Variants in LHFPL3 observed in about 807,000 individuals in gnomAD.
The protein encoded by LHFPL3 is LHFPL tetraspan subfamily member 3, also known as LHFPL tetraspan subfamily member 3 protein.
LHFPL3 carries 5 observed loss-of-function variants against 19.3 expected under a neutral mutation model. The observed-to-expected ratio is 0.26, with a 90% CI of 0.14 to 0.54. The LOEUF (loss-of-function observed/expected upper bound fraction) is 0.54, where lower values mean the gene tolerates loss of function less well. Ranked by LOEUF, LHFPL3 falls within the 20% of genes least tolerant of loss-of-function variation. The pLI, the probability that LHFPL3 is intolerant of heterozygous loss-of-function variation, is 0.94. For synonymous variants in LHFPL3, 133 were observed against 126.2 expected, an observed-to-expected ratio of 1.05 and a Z score of -0.36; for missense variants, 249 against 307.4, an observed-to-expected ratio of 0.81 and a Z score of 1.42.
intron 2 of LHFPL3, among the ~76,000 whole-genome samples, chr7:104,899,822 C>T (rs1792448020): frequency 6.6e-6 from 1 of 152,162 alleles, no homozygotes; most frequent in South Asian, 2.1e-4. Flanking sequence ...ACCTCTGCCT[C>T]CTGGGTTCAA....
At position 104,560,919 on chromosome 7, in the gene LHFPL3, C is replaced by G. The variant is rs541827253; in HGVS notation, c.446-175756C>G. On this transcript the variant is annotated intron_variant, in intron 1 of 2. Coordinates refer to ENST00000424859, the MANE Select transcript of LHFPL3 (RefSeq NM_199000.3). ...TTGGTTTCAAAGAACATCTTTATTT[C>G]TGCCTTCATTTCGTTATGTACCCAG... 1.9e-4 allele frequency among the ~76,000 whole-genome samples: 28 copies of G among 150,002 alleles called. No homozygotes were observed. The East Asian group carries it at 5.4e-3, about 29-fold the overall frequency.
At chr7:104,460,795 G>T (rs1348626595) in intron 1 of LHFPL3, among the ~76,000 whole-genome samples, 1 of 152,046 alleles carries the variant, frequency 6.6e-6, no homozygotes, top group Non-Finnish European at 1.5e-5. Context: ...CTTAGGTTGT[G>T]TGTTTACTCT....
intron 1 of LHFPL3, chr7:104,667,928 C>T (rs1792388458): frequency 1.2e-6 from 2 of 1,613,260 alleles, no homozygotes; most frequent in Non-Finnish European, 1.7e-6. Context: ...GTAACGATGA[C>T]GATGTGTACA....
chr7:104,754,739 G>C (rs944110928), intron 2 of LHFPL3, among the ~76,000 whole-genome samples: 1 of 152,188 alleles, frequency 6.6e-6, no homozygotes, highest in Non-Finnish European at 1.5e-5. Flanking sequence ...ATAAGGGTTG[G>C]GAAAAAGAAA....
chr7:104,842,259 CA>C lies in LHFPL3; in HGVS notation c.683-63927del, dbSNP rs575776066. Among the ~76,000 whole-genome samples the C allele has an allele frequency of 3.0e-3, 433 of 142,712 alleles. 6 individuals are homozygous for C. The highest frequency in any genetic ancestry group is 0.011 in the African/African-American group (424 of 38,158). The allele number at this position is 142,712 out of a possible 152,430, so 93.6% of individuals were successfully genotyped here. On this transcript the variant is annotated intron_variant, in intron 2 of 2. Coordinates refer to ENST00000424859, the MANE Select transcript of LHFPL3 (RefSeq NM_199000.3). Reference sequence around the variant, plus strand: ...AATACTCTCAAAGTTACTCAGGCATCAGCTCCTCCTCTAGCGGTAGAACCTT... The same window carrying C: ...AATACTCTCAAAGTTACTCAGGCATCGCTCCTCCTCTAGCGGTAGAACCTT...
chr7:104,708,012 A>G (rs1041912757), intron 1 of LHFPL3, among the ~76,000 whole-genome samples: 1 of 152,228 alleles, frequency 6.6e-6, no homozygotes, highest in Non-Finnish European at 1.5e-5. Flanking sequence ...AGTCAAGAAC[A>G]GGTGAGGGGA....
At chr7:104,472,794 T>G (rs1245413562) in intron 1 of LHFPL3, among the ~76,000 whole-genome samples, 1 of 152,206 alleles carries the variant, frequency 6.6e-6, no homozygotes, top group African/African-American at 2.4e-5. Flanking sequence ...ATCATTACAT[T>G]TGGTTACTAT....
chr7:104,653,421 A>G (rs1792068248), intron 1 of LHFPL3, among the ~76,000 whole-genome samples: 1 of 152,222 alleles, frequency 6.6e-6, no homozygotes, highest in African/African-American at 2.4e-5. Context: ...CGAGGCAGAG[A>G]GAGGCCCTAA....
chr7:104,437,508 A>G (rs1051145869), intron 1 of LHFPL3, among the ~76,000 whole-genome samples: 3 of 152,164 alleles, frequency 2.0e-5, no homozygotes, highest in African/African-American at 4.8e-5. Flanking sequence ...TTTCCGTCCC[A>G]CAAGACTACC....
chr7:104,404,122 T>C (rs1347777515), intron 1 of LHFPL3, among the ~76,000 whole-genome samples: 1 of 152,166 alleles, frequency 6.6e-6, no homozygotes, highest in Non-Finnish European at 1.5e-5. Context: ...AGAAAAAACT[T>C]GCTAACCCCT....
At chr7:104,494,192 GCAA>G (rs970954302) in intron 1 of LHFPL3, among the ~76,000 whole-genome samples, 13 of 152,194 alleles carry the variant, frequency 8.5e-5, no homozygotes, top group Admixed American at 5.9e-4. Context: ...AACAATAGAA[GCAA>G]CAACTAACAT....
intron 1 of LHFPL3, among the ~76,000 whole-genome samples, chr7:104,411,009 T>A (rs115771250): frequency 6.6e-6 from 1 of 152,330 alleles, no homozygotes; most frequent in African/African-American, 2.4e-5. Context: ...CACCTCATCC[T>A]ATGATTTAAG....
chr7:104,738,239 T>C (rs955915849), intron 2 of LHFPL3, among the ~76,000 whole-genome samples: 1 of 152,150 alleles, frequency 6.6e-6, no homozygotes, highest in African/African-American at 2.4e-5. Flanking sequence ...ATAAAAAGGA[T>C]GATATGAAGA....
intron 1 of LHFPL3, among the ~76,000 whole-genome samples, chr7:104,476,977 C>A (rs568325526): frequency 6.6e-6 from 1 of 152,128 alleles, no homozygotes; most frequent in South Asian, 2.1e-4. Context: ...CTCCATAGGA[C>A]AAAATTCTGC....
intron 1 of LHFPL3, among the ~76,000 whole-genome samples, chr7:104,500,564 C>T (rs1260869653): frequency 6.6e-6 from 1 of 152,130 alleles, no homozygotes; most frequent in Admixed American, 6.5e-5. Context: ...CTTCAGTCCA[C>T]TCATCTCCTC....
intron 1 of LHFPL3, among the ~76,000 whole-genome samples, chr7:104,485,834 CTTG>C (rs1477556975): frequency 6.6e-6 from 1 of 152,074 alleles, no homozygotes; most frequent in East Asian, 1.9e-4. Flanking sequence ...TCCATGTGTT[CTTG>C]TTGTTCAATT....
intron 1 of LHFPL3, among the ~76,000 whole-genome samples, chr7:104,459,089 G>A (rs1402765901): frequency 6.6e-6 from 1 of 152,196 alleles, no homozygotes; most frequent in Non-Finnish European, 1.5e-5. Context: ...TTCTGCTCTG[G>A]CAGCTCAAGG....
intron 1 of LHFPL3, among the ~76,000 whole-genome samples, chr7:104,407,191 A>G (rs1233251629): frequency 1.3e-5 from 2 of 152,170 alleles, no homozygotes; most frequent in Admixed American, 6.5e-5. Context: ...AGGTCAGGTC[A>G]CTCTGCTAGG....
At chr7:104,847,266 T>C in intron 2 of LHFPL3, among the ~76,000 whole-genome samples, 1 of 152,314 alleles carries the variant, frequency 6.6e-6, no homozygotes, top group South Asian at 2.1e-4. Flanking sequence ...CAAGGTTACA[T>C]TCTCTCCTTT....
Sources: gnomAD v4.1 joint callset for allele counts (sites outside exome capture counted in the v4.1 genomes callset) on GRCh38, gnomAD v4.1.1 for gene constraint, MANE v1.5 for transcripts, NCBI Gene and HGNC (gene_info 2026-07-23, HGNC 2026-07-21) for gene names.